The following OGDH variants were observed in gnomAD, a reference collection of about 807,000 sequenced individuals.
OGDH encodes oxoglutarate dehydrogenase, also known as 2-oxoglutarate dehydrogenase complex component E1.
Under a neutral mutation model 116.6 loss-of-function variants are expected in OGDH, and 38 were observed. That is an observed-to-expected ratio of 0.33 (90% CI 0.25 to 0.43). The LOEUF (loss-of-function observed/expected upper bound fraction) is 0.43, where lower values mean the gene tolerates loss of function less well. Ranked by LOEUF, OGDH falls within the 20% of genes least tolerant of loss-of-function variation. The pLI is 1.00. For synonymous variants in OGDH, 488 were observed against 533.3 expected, an observed-to-expected ratio of 0.92 and a Z score of 1.17; for missense variants, 825 against 1,357.2, an observed-to-expected ratio of 0.61 and a Z score of 6.16.
intron 10 of OGDH, among the ~76,000 whole-genome samples, chr7:44,692,642 A>G (rs1428904803): frequency 6.6e-6 from 1 of 152,218 alleles, no homozygotes; most frequent in Non-Finnish European, 1.5e-5. Context: ...TGTTTGAAAT[A>G]TATCATAAGA....
chr7:44,707,037 G>A lies in OGDH; in HGVS notation c.2633-188G>A, dbSNP rs534461455. On this transcript the variant is annotated intron_variant, in intron 20 of 22. Coordinates refer to ENST00000222673, the MANE Select transcript of OGDH (RefSeq NM_002541.4). The surrounding 1 kb of genome is among the most constrained non-coding windows in gnomAD (Gnocchi z 5.2). ...CATGTCTGCTGTGTATTTGTTACAC[G>A]TAACGTGCTTTTCAAAGTGTGCCTG... Among the ~76,000 whole-genome samples, 8 of 152,294 alleles carry A rather than the reference G, an allele frequency of 5.3e-5. No individual in the cohort carries two copies. The highest frequency in any genetic ancestry group is 2.1e-4 in the South Asian group (1 of 4,826).
chr7:44,656,372 T>C (rs1459782340), intron 4 of OGDH: 7 of 1,535,616 alleles, frequency 4.6e-6, no homozygotes, highest in Non-Finnish European at 5.2e-6. Context: ...GGTATGAAAA[T>C]AATGAGCTTT....
chr7:44,629,309 G>C (rs1785330447), intron 2 of OGDH, among the ~76,000 whole-genome samples: 1 of 152,194 alleles, frequency 6.6e-6, no homozygotes, highest in African/African-American at 2.4e-5. Flanking sequence ...CTGAGGAAGA[G>C]CCAGGATTAG....
chr7:44,621,039 G>T (rs1005878050), intron 1 of OGDH, among the ~76,000 whole-genome samples: 1 of 152,140 alleles, frequency 6.6e-6, no homozygotes, highest in Non-Finnish European at 1.5e-5. Flanking sequence ...TGACTGGCTG[G>T]CAGTTTTCCT....
At chr7:44,613,125 C>T (rs111449947) in intron 1 of OGDH, among the ~76,000 whole-genome samples, 58 of 151,888 alleles carry the variant, frequency 3.8e-4, no homozygotes, top group African/African-American at 1.3e-3. Flanking sequence ...ATCCACTTGC[C>T]TCTGCCTCCC....
intron 17 of OGDH, 95 bp from the exon 18 acceptor site, chr7:44,698,096 AC>A: frequency 7.2e-7 from 1 of 1,381,078 alleles, no homozygotes. Context: ...AAAAAAGATA[AC>A]CAGAAATGAG....
Position 44,697,820 on chromosome 7 carries a change from G to A in OGDH, c.2358+38G>A, listed in dbSNP as rs1286658766. 1 of 1,595,298 alleles carries A rather than the reference G, an allele frequency of 6.3e-7. No individual in the cohort carries two copies. Reference sequence around the variant, plus strand: ...CCCTTCCCTGCCAGACCTAGGACTTGGGAAGGGCCTGTGTAGGACCCTGAC... The same window carrying A: ...CCCTTCCCTGCCAGACCTAGGACTTAGGAAGGGCCTGTGTAGGACCCTGAC... On this transcript the variant is annotated intron_variant, in intron 17 of 22. Coordinates refer to ENST00000222673, the MANE Select transcript of OGDH (RefSeq NM_002541.4). This position sits in a 1 kb window ranked among gnomAD's most constrained non-coding sequence, Gnocchi z 6.0.
intron 3 of OGDH, among the ~76,000 whole-genome samples, chr7:44,646,767 T>G (rs1386206493): frequency 6.6e-6 from 1 of 152,166 alleles, no homozygotes; most frequent in East Asian, 1.9e-4. Flanking sequence ...GTAGCAGGGT[T>G]TTTTTGTTCT....
chr7:44,655,184 G>A (rs1351749731), intron 4 of OGDH, among the ~76,000 whole-genome samples: 2 of 132,010 alleles, frequency 1.5e-5, no homozygotes, highest in East Asian at 4.4e-4. Context: ...CTTACCTGGA[G>A]TCTCCAGGGT....
At chr7:44,617,122 G>A (rs867834884) in intron 1 of OGDH, among the ~76,000 whole-genome samples, 9 of 151,000 alleles carry the variant, frequency 6.0e-5, no homozygotes, top group Non-Finnish European at 1.0e-4. Flanking sequence ...TAGTAGAGGC[G>A]GGGTTTCAGC....
At chr7:44,659,069 C>T (rs991368085) in intron 4 of OGDH, among the ~76,000 whole-genome samples, 2 of 152,094 alleles carry the variant, frequency 1.3e-5, no homozygotes, top group South Asian at 2.1e-4. Flanking sequence ...AACTCCCGAC[C>T]TCAGGTGATC....
At chr7:44,678,101 A>G (rs955255112) in intron 9 of OGDH, among the ~76,000 whole-genome samples, 1 of 152,066 alleles carries the variant, frequency 6.6e-6, no homozygotes, top group Admixed American at 6.6e-5. Flanking sequence ...CATGGCTTCA[A>G]GCTCATGGGC....
chr7:44,645,578 C>T, intron 3 of OGDH, 60 bp downstream of exon 3: 2 of 1,519,930 alleles, frequency 1.3e-6, no homozygotes, highest in South Asian at 1.2e-5. Flanking sequence ...GGTCATGCCT[C>T]ATGGGCCCTA....
chr7:44,652,975 A>G (rs1260275136), intron 4 of OGDH, among the ~76,000 whole-genome samples: 2 of 152,196 alleles, frequency 1.3e-5, no homozygotes, highest in Admixed American at 1.3e-4. Flanking sequence ...AGTATTATCA[A>G]TGGAAAGGTC....
At chr7:44,678,307 GCATT>G (rs1483721559) in intron 9 of OGDH, among the ~76,000 whole-genome samples, 2 of 152,182 alleles carry the variant, frequency 1.3e-5, no homozygotes, top group Non-Finnish European at 2.9e-5. Context: ...ACTCGCCCAG[GCATT>G]TGGGCTGAGT....
Position 44,645,532 on chromosome 7 carries a change from T to A in OGDH, c.414+14T>A. 1 of 1,611,266 alleles carries A rather than the reference T, an allele frequency of 6.2e-7. No homozygotes were observed. The highest frequency in any genetic ancestry group is 8.5e-7 in the Non-Finnish European group (1 of 1,177,862). ...AGGGCATATCAGGTAAGGCGGGTGC[T>A]TTACCCGCACACGGGAAAGGGTGCA... On this transcript the variant is annotated intron_variant, in intron 3 of 22. Transcript: ENST00000222673.
chr7:44,695,957 G>A, intron 12 of OGDH, 68 bp from the exon 13 acceptor site: 3 of 842,092 alleles, frequency 3.6e-6, no homozygotes, highest in East Asian at 2.4e-5. Context: ...AAAGTGTGGG[G>A]GTACAGGTGG....
chr7:44,653,691 A>T (rs953138404), intron 4 of OGDH, among the ~76,000 whole-genome samples: 2 of 151,720 alleles, frequency 1.3e-5, no homozygotes, highest in Non-Finnish European at 2.9e-5. Context: ...ACACCAGGCT[A>T]ATTTTTGTAT....
At chr7:44,614,934 G>A (rs183614456) in intron 1 of OGDH, among the ~76,000 whole-genome samples, 35 of 150,366 alleles carry the variant, frequency 2.3e-4, no homozygotes, top group African/African-American at 8.0e-4. Context: ...GGGTTCAAGC[G>A]ATTCTCCTGC....
Sources: allele counts gnomAD v4.1 joint callset (sites outside exome capture counted in the v4.1 genomes callset), GRCh38; gene constraint gnomAD v4.1.1; non-coding constraint Gnocchi (gnomAD v3.1); transcripts MANE v1.5; gene names NCBI Gene and HGNC (gene_info 2026-07-23, HGNC 2026-07-21).